The following RIMS3 variants were observed in gnomAD, a reference collection of about 807,000 sequenced individuals.
The protein encoded by RIMS3 is regulating synaptic membrane exocytosis protein 3.
A neutral mutation model predicts 29.2 loss-of-function variants in RIMS3; 15 were observed. The ratio of observed to expected loss-of-function variants is 0.51; its 90% CI spans 0.34 to 0.79. The LOEUF (loss-of-function observed/expected upper bound fraction) is 0.79, where lower values mean the gene tolerates loss of function less well. RIMS3 is among the 30% of genes least tolerant of loss of function. The pLI, the probability that RIMS3 is intolerant of heterozygous loss-of-function variation, is 0.01. For synonymous variants in RIMS3, 161 were observed against 170.1 expected, an observed-to-expected ratio of 0.95 and a Z score of 0.41; for missense variants, 342 against 421.4, an observed-to-expected ratio of 0.81 and a Z score of 1.65.
Position 40,654,855 on chromosome 1 carries a change from TACAC to T in RIMS3, c.-206-7017_-206-7014del, listed in dbSNP as rs767653965. On this transcript the variant is annotated intron_variant, in intron 1 of 7. Transcript: ENST00000372684. This position sits in a 1 kb window ranked among gnomAD's most constrained non-coding sequence, Gnocchi z 5.3. ...ACACACACTTAAACTCTCTCATACA[TACAC>T]ACACACATTATGCCTTCACAGAGAT... Among the ~76,000 whole-genome samples the T allele has an allele frequency of 6.6e-6, 1 of 151,802 alleles. No homozygotes were observed. The highest frequency in any genetic ancestry group is 1.5e-5 in the Non-Finnish European group (1 of 67,918).
the RIMS3 span, among the ~76,000 whole-genome samples, chr1:40,678,584 TG>T: frequency 6.6e-6 from 1 of 152,062 alleles, no homozygotes; most frequent in Non-Finnish European, 1.5e-5. Flanking sequence ...AGCCACAACA[TG>T]GAGTCAAGTT....
Position 40,623,673 on chromosome 1 carries a change from CCTCAAACAGCAGATG to C in RIMS3, c.*2829_*2843del, listed in dbSNP as rs1570164617. ...TGTTCCTTCCTTCCCCACCCCCCGT[CCTCAAACAGCAGATG>C]CTCCCCCACCCCAGCAAACAACCAG... On this transcript the variant is annotated 3_prime_UTR_variant, in exon 8 of 8. Transcript: ENST00000372684. 2.6e-6 allele frequency: 1 copy of C among 380,566 alleles called. No homozygotes were observed. Among genetic ancestry groups the C allele is most frequent in the East Asian group, 3.8e-5 (1 of 26,416 alleles). 23.6% of individuals were successfully genotyped at this position (380,566 alleles called of 1,614,324 possible).
Position 40,621,257 on chromosome 1 carries a change from T to C in RIMS3, c.*5260A>G, listed in dbSNP as rs1199813712. Reference sequence around the variant, plus strand: ...AGGAAAGACCCAGCCTCATCTGCTGTTGGGGACACTGACTTACTCAGGATG... The same window carrying C: ...AGGAAAGACCCAGCCTCATCTGCTGCTGGGGACACTGACTTACTCAGGATG... On this transcript the variant is annotated 3_prime_UTR_variant, in exon 8 of 8. Transcript: ENST00000372684. The C allele has an allele frequency of 6.6e-6, 1 of 152,246 alleles. No homozygotes were observed. Among genetic ancestry groups the C allele is most frequent in the Admixed American group, 6.5e-5 (1 of 15,280 alleles). The allele number at this position is 152,246 out of a possible 1,614,324, so 9.4% of individuals were successfully genotyped here.
At position 40,637,367 on chromosome 1, in the gene RIMS3, C is replaced by T. The variant is rs1259391904; in HGVS notation, c.218-1310G>A. ...CACTAGTGGATGGAAGGGTGGGTGG[C>T]GGGACAGGCTGAGAACAGGGTGCAG... On this transcript the variant is annotated intron_variant, in intron 3 of 7. Transcript: ENST00000372684. Among the ~76,000 whole-genome samples the T allele has an allele frequency of 3.3e-5, 5 of 152,032 alleles. No homozygotes were observed. The South Asian group carries it at 8.3e-4, about 25-fold the overall frequency.
chr1:40,630,533 A>G (rs1382822027), intron 5 of RIMS3, among the ~76,000 whole-genome samples: 1 of 152,222 alleles, frequency 6.6e-6, no homozygotes, highest in Non-Finnish European at 1.5e-5. Context: ...GTACTACGGA[A>G]GATGGGGATT....
the RIMS3 span, among the ~76,000 whole-genome samples, chr1:40,685,327 T>C: frequency 2.2e-4 from 4 of 18,252 alleles, no homozygotes; most frequent in African/African-American, 1.2e-3. Context: ...ATTATTAATA[T>C]ATAATATAAT....
chr1:40,629,177 C>T (rs1367724900), intron 6 of RIMS3, 94 bp downstream of exon 6: 1 of 1,210,942 alleles, frequency 8.3e-7, no homozygotes, highest in Non-Finnish European at 1.2e-6. Flanking sequence ...TGTAAAGAAT[C>T]CCGATTTAGG....
At chr1:40,644,658 T>C (rs543913624) in intron 2 of RIMS3, among the ~76,000 whole-genome samples, 1 of 152,350 alleles carries the variant, frequency 6.6e-6, no homozygotes, top group African/African-American at 2.4e-5. Flanking sequence ...CTCCAGCTGT[T>C]GGCCTCCACA....
chr1:40,652,846 T>G (rs1642204037), intron 1 of RIMS3, among the ~76,000 whole-genome samples: 1 of 152,172 alleles, frequency 6.6e-6, no homozygotes, highest in African/African-American at 2.4e-5. Flanking sequence ...GCCAGGAGGC[T>G]GCTACATCCA....
At chr1:40,672,871 A>G in the RIMS3 span, among the ~76,000 whole-genome samples, 1 of 143,372 alleles carries the variant, frequency 7.0e-6, no homozygotes, top group African/African-American at 2.8e-5. Flanking sequence ...CTCTGGAGAA[A>G]AAAAAAAAAA....
intron 2 of RIMS3, among the ~76,000 whole-genome samples, chr1:40,644,429 T>A (rs556512751): frequency 7.2e-5 from 11 of 152,338 alleles, no homozygotes; most frequent in African/African-American, 2.6e-4. Context: ...CAGGCCCATG[T>A]TGAATGCCAA....
chr1:40,646,677 T>A (rs563131968), intron 2 of RIMS3, among the ~76,000 whole-genome samples: 2 of 152,132 alleles, frequency 1.3e-5, no homozygotes, highest in Non-Finnish European at 2.9e-5. Context: ...CAAAACTCCA[T>A]GCCAAAAGAG....
chr1:40,690,857 C>G, the RIMS3 span: 1 of 152,232 alleles, frequency 6.6e-6, no homozygotes, highest in African/African-American at 2.4e-5. Flanking sequence ...GCGCTTGTTA[C>G]CTAATGCACT....
Position 40,628,828 on chromosome 1 carries a change from G to A in RIMS3, c.696C>T (p.Pro232=), listed in dbSNP as rs200082249. Residue 232 remains proline (P), a synonymous_variant, in exon 7 of 8, where the codon CCC becomes CCT. Coordinates refer to ENST00000372684, the MANE Select transcript of RIMS3 (RefSeq NM_014747.3). ...YQQALLFDEG[P]QGKVLQVIVW... ...CACCCACCTGCAGCACCTTGCCCTG[G>A]GGTCCCTCGTCAAAGAGCAGAGCCT... 10 of 1,614,090 alleles carry A rather than the reference G, an allele frequency of 6.2e-6. 1 individual carries two copies. The highest frequency in any genetic ancestry group is 8.5e-6 in the Non-Finnish European group (10 of 1,180,012).
At position 40,629,297 on chromosome 1, in the gene RIMS3, G is replaced by A; in HGVS notation, c.548C>T (p.Pro183Leu). Residue 183 changes from proline to leucine, a missense_variant, in exon 6 of 8, where the codon CCC becomes CTC. Physicochemically the swap from Pro to Leu is moderately conservative, Grantham distance 98. Transcript: ENST00000372684. ...VEVIEARGLT[P>L]KPGSKSLPAT... Reference sequence around the variant, plus strand: ...TGGGAGGGATTTGGAGCCTGGTTTGGGGGTCAGGCCCCGAGCTTCAATCAC... The same window carrying A: ...TGGGAGGGATTTGGAGCCTGGTTTGAGGGTCAGGCCCCGAGCTTCAATCAC... 6.2e-7 allele frequency: 1 copy of A among 1,614,138 alleles called. No homozygotes were observed. The highest frequency in any genetic ancestry group is 2.2e-5 in the East Asian group (1 of 44,866).
rs1335090526 is a variant in RIMS3 at position 40,621,990 on chromosome 1, C to CT, written c.*4526dup. 3.3e-5 allele frequency: 5 copies of CT among 152,634 alleles called. No homozygotes were observed. The highest frequency in any genetic ancestry group is 1.2e-4 in the African/African-American group (5 of 41,440). 9.5% of individuals were successfully genotyped at this position (152,634 alleles called of 1,614,324 possible). ...AATCTAGGCCCCTGAGAGAATGCAACTTTCTCTCACTGATGTGGCTTCCCT... is the reference window on the plus strand; with the variant it reads ...AATCTAGGCCCCTGAGAGAATGCAACTTTTCTCTCACTGATGTGGCTTCCCT... On this transcript the variant is annotated 3_prime_UTR_variant, in exon 8 of 8. Coordinates refer to ENST00000372684, the MANE Select transcript of RIMS3 (RefSeq NM_014747.3).
chr1:40,685,887 T>C, the RIMS3 span, among the ~76,000 whole-genome samples: 1 of 151,228 alleles, frequency 6.6e-6, no homozygotes, highest in African/African-American at 2.4e-5. Flanking sequence ...CTTACGCCTA[T>C]AATCTCAGCA....
chr1:40,676,712 G>C, the RIMS3 span, among the ~76,000 whole-genome samples: 1 of 152,152 alleles, frequency 6.6e-6, no homozygotes, highest in Admixed American at 6.5e-5. Context: ...CTGCCTTCCA[G>C]CTGTTTGGCT....
rs776353858 is a variant in RIMS3, at chr1:40,641,834, T to C, written c.92A>G (p.Gln31Arg). Residue 31 changes from glutamine (Q) to arginine (R), a missense_variant, in exon 3 of 8, where the codon CAG (glutamine) becomes CGG (arginine). Physicochemically the swap from Gln to Arg is conservative, Grantham distance 43. Coordinates refer to ENST00000372684, the MANE Select transcript of RIMS3 (RefSeq NM_014747.3). ...GGTCCCAGCCCCGCCCCCGGCTTGC[T>C]GGGATCCGCAGATTTCACCGCTAAT... ...SSISGEICGS[Q>R]QAGGGAGTTT... 9.9e-6 allele frequency: 16 copies of C among 1,613,092 alleles called. No homozygotes were observed. The Admixed American group carries it at 1.7e-4, about 17-fold the overall frequency.
Sources: allele counts gnomAD v4.1 joint callset (sites outside exome capture counted in the v4.1 genomes callset), GRCh38; gene constraint gnomAD v4.1.1; non-coding constraint Gnocchi (gnomAD v3.1); transcripts MANE v1.5; gene names NCBI Gene and HGNC (gene_info 2026-07-23, HGNC 2026-07-21).